The following FBXO22 variants were observed in gnomAD, a reference collection of about 807,000 sequenced individuals.
FBXO22 encodes F-box protein 22, also known as F-box only protein 22.
Under a neutral mutation model 37.2 loss-of-function variants are expected in FBXO22, and 13 were observed. The ratio of observed to expected loss-of-function variants is 0.35; its 90% CI spans 0.23 to 0.56. The LOEUF is 0.56. Among genes scored for constraint, FBXO22 ranks in the 20% least tolerant of loss-of-function variants. FBXO22 has a pLI of 0.87. For synonymous variants in FBXO22, 189 were observed against 189.1 expected, an observed-to-expected ratio of 1.00 and a Z score of 0.00; for missense variants, 446 against 509.9, an observed-to-expected ratio of 0.87 and a Z score of 1.21.
At chr15:75,906,380 TA>T (rs1347460906) in intron 2 of FBXO22, among the ~76,000 whole-genome samples, 1 of 152,164 alleles carries the variant, frequency 6.6e-6, no homozygotes, top group Non-Finnish European at 1.5e-5. Context: ...AGTATGTATA[TA>T]CATGCATGTG....
At chr15:75,913,169 G>A (rs1256631752) in intron 2 of FBXO22, 34 bp from the exon 3 acceptor site, 4 of 1,444,490 alleles carry the variant, frequency 2.8e-6, no homozygotes, top group Non-Finnish European at 3.9e-6. Context: ...TGGATTCATG[G>A]GATCCAATTC....
chr15:75,923,986 G>A (rs977902228), intron 5 of FBXO22, among the ~76,000 whole-genome samples: 2 of 152,146 alleles, frequency 1.3e-5, no homozygotes, highest in African/African-American at 4.8e-5. Flanking sequence ...TGTGGCTAGC[G>A]CAGCTGTATA....
intron 2 of FBXO22, among the ~76,000 whole-genome samples, chr15:75,905,281 A>G (rs1443240321): frequency 6.6e-6 from 1 of 152,150 alleles, no homozygotes; most frequent in Non-Finnish European, 1.5e-5. Flanking sequence ...AAAGCCAAGA[A>G]CCAAAACTTA....
chr15:75,909,180 A>C (rs982869634), intron 2 of FBXO22, among the ~76,000 whole-genome samples: 1 of 152,236 alleles, frequency 6.6e-6, no homozygotes, highest in Non-Finnish European at 1.5e-5. Flanking sequence ...GTGAGTCTGA[A>C]TAAGCCCAGC....
chr15:75,918,426 G>T (rs1405649749), intron 5 of FBXO22, among the ~76,000 whole-genome samples: 1 of 152,184 alleles, frequency 6.6e-6, no homozygotes, highest in Non-Finnish European at 1.5e-5. Flanking sequence ...TAATGTGGAA[G>T]AGGGTGGTCA....
chr15:75,915,828 A>C (rs1372664974), intron 4 of FBXO22, among the ~76,000 whole-genome samples: 1 of 151,082 alleles, frequency 6.6e-6, no homozygotes, highest in Non-Finnish European at 1.5e-5. Context: ...TGAGCCCGGG[A>C]GGCAGAGGTT....
At chr15:75,926,784 TA>T (rs1010773075) in intron 5 of FBXO22, among the ~76,000 whole-genome samples, 1 of 151,978 alleles carries the variant, frequency 6.6e-6, no homozygotes, top group Non-Finnish European at 1.5e-5. Context: ...TGTGAGACTT[TA>T]GTTAGTACTC....
chr15:75,909,210 C>A (rs1193154618), intron 2 of FBXO22, among the ~76,000 whole-genome samples: 2 of 152,038 alleles, frequency 1.3e-5, no homozygotes, highest in South Asian at 2.1e-4. Flanking sequence ...AGATAGGGGA[C>A]AAATAAGATT....
At chr15:75,926,721 A>G (rs1900449953) in intron 5 of FBXO22, among the ~76,000 whole-genome samples, 1 of 152,210 alleles carries the variant, frequency 6.6e-6, no homozygotes, top group South Asian at 2.1e-4. Flanking sequence ...ATGTTTTTAA[A>G]GGAGAGAAGG....
rs2030805273 is a variant in FBXO22, at chr15:75,940,259, T to C, written c.*7157T>C. On this transcript the variant is annotated 3_prime_UTR_variant, in exon 7 of 7. Transcript: ENST00000308275. ...CCATTTACCATAGCGTCAAAAAGAA[T>C]AAAATGCACAGAAATTAGCTTACCC... 6.6e-6 allele frequency: 1 copy of C among 151,936 alleles called. No homozygotes were observed. Among genetic ancestry groups the C allele is most frequent in the South Asian group, 2.1e-4 (1 of 4,822 alleles). 9.4% of individuals were successfully genotyped at this position (151,936 alleles called of 1,614,324 possible).
intron 1 of FBXO22, 182 bp from the exon 2 acceptor site, chr15:75,904,309 A>C: frequency 9.1e-7 from 1 of 1,101,952 alleles, no homozygotes; most frequent in Non-Finnish European, 1.3e-6. Context: ...AGTTCCCCTT[A>C]AGGTTTTCTC....
chr15:75,936,577 G>T lies in FBXO22; in HGVS notation c.*3475G>T, dbSNP rs1253292940. 6.6e-6 allele frequency: 1 copy of T among 151,966 alleles called. No homozygotes were observed. Among genetic ancestry groups the T allele is most frequent in the Non-Finnish European group, 1.5e-5 (1 of 67,986 alleles). The allele number at this position is 151,966 out of a possible 1,614,324, so 9.4% of individuals were successfully genotyped here. ...AAGTATCACTTAATATTTTGGTATG[G>T]AAACTTTTTTTTTTTTGAGAGAGTT... On this transcript the variant is annotated 3_prime_UTR_variant, in exon 7 of 7. Coordinates refer to ENST00000308275, the MANE Select transcript of FBXO22 (RefSeq NM_147188.3).
At chr15:75,921,017 C>T (rs1313409204) in intron 5 of FBXO22, among the ~76,000 whole-genome samples, 1 of 152,082 alleles carries the variant, frequency 6.6e-6, no homozygotes, top group Non-Finnish European at 1.5e-5. Context: ...ATAGTACTTA[C>T]ACAGACCTAG....
chr15:75,905,074 C>T (rs944787690), intron 2 of FBXO22, among the ~76,000 whole-genome samples: 13 of 152,092 alleles, frequency 8.5e-5, no homozygotes, highest in Non-Finnish European at 1.5e-4. Flanking sequence ...CCGCCCGCCT[C>T]GGCCTCCCAA....
Position 75,939,955 on chromosome 15 carries a change from T to C in FBXO22, c.*6853T>C, listed in dbSNP as rs148537074. ...AGTGGTGAAAGCTTTTCCTCTAAGA[T>C]CAAGACAATGCTCATTTCACCATTC... On this transcript the variant is annotated 3_prime_UTR_variant, in exon 7 of 7. Coordinates refer to ENST00000308275, the MANE Select transcript of FBXO22 (RefSeq NM_147188.3). The C allele has an allele frequency of 4.6e-5, 7 of 152,086 alleles. No individual in the cohort carries two copies. The East Asian group carries it at 9.7e-4, about 21-fold the overall frequency. The allele number at this position is 152,086 out of a possible 1,614,324, so 9.4% of individuals were successfully genotyped here.
Position 75,935,366 on chromosome 15 carries a change from C to CT in FBXO22, c.*2264_*2265insT, listed in dbSNP as rs1275473658. ...CATAAAAAAGAGAAGTAAAGGTGTA[C>CT]CATTAGCCTACATACTGAGCTGACG... On this transcript the variant is annotated 3_prime_UTR_variant, in exon 7 of 7. Transcript: ENST00000308275. 6.6e-6 allele frequency: 1 copy of CT among 152,048 alleles called. No homozygotes were observed. The highest frequency in any genetic ancestry group is 1.5e-5 in the Non-Finnish European group (1 of 67,988). 9.4% of individuals were successfully genotyped at this position (152,048 alleles called of 1,614,324 possible).
rs1466721029 is a variant in FBXO22, at chr15:75,940,545, A to G, written c.*7443A>G. The G allele has an allele frequency of 1.3e-5, 2 of 151,806 alleles. No homozygotes were observed. Among genetic ancestry groups the G allele is most frequent in the Non-Finnish European group, 2.9e-5 (2 of 67,918 alleles). The allele number at this position is 151,806 out of a possible 1,614,324, so 9.4% of individuals were successfully genotyped here. The stretch of plus-strand genomic sequence containing the variant: ...CCCAAATAGCCAAGTCAGTCTTGAG[A>G]AAGAAGAACAAATTGGAGGACTTAA... On this transcript the variant is annotated 3_prime_UTR_variant, in exon 7 of 7. Transcript: ENST00000308275.
At chr15:75,924,761 C>T (rs1030527049) in intron 5 of FBXO22, among the ~76,000 whole-genome samples, 18 of 152,130 alleles carry the variant, frequency 1.2e-4, no homozygotes, top group African/African-American at 3.9e-4. Context: ...CACTGCTGAG[C>T]GTTGGCAAGA....
At position 75,933,054 on chromosome 15, in the gene FBXO22, T is replaced by A. The variant is rs1567057661; in HGVS notation, c.1164T>A (p.His388Gln). 2 of 1,614,160 alleles carry A rather than the reference T, an allele frequency of 1.2e-6. No homozygotes were observed. The highest frequency in any genetic ancestry group is 1.7e-6 in the Non-Finnish European group (2 of 1,180,030). ...AGGTAAAAGATGATGATCTGTTTCA[T>A]AGCTATACAACAATAATGGCACTCA... ...CNEVKDDDLFHSYTTIMALIH... is the reference protein window; with the variant it reads ...CNEVKDDDLFQSYTTIMALIH... Residue 388 changes from histidine to glutamine, a missense_variant, in exon 7 of 7, where the codon CAT (histidine) becomes CAA (glutamine). This residue lies in a region of FBXO22 where 315 missense variants were observed against 410.1 expected (regional missense o/e 0.77). Transcript: ENST00000308275.
Sources: gnomAD v4.1 joint callset for allele counts (sites outside exome capture counted in the v4.1 genomes callset) on GRCh38, gnomAD v4.1.1 for gene constraint, gnomAD v4.1.1 regional missense constraint, MANE v1.5 for transcripts, NCBI Gene and HGNC (gene_info 2026-07-23, HGNC 2026-07-21) for gene names.